DCBLD1: variants seen among roughly 807,000 people sequenced by gnomAD.
DCBLD1 encodes the protein discoidin, CUB and LCCL domain containing 1.
Under a neutral mutation model 71.5 loss-of-function variants are expected in DCBLD1, and 57 were observed. That is an observed-to-expected ratio of 0.80 (90% CI 0.64 to 0.99). The LOEUF (loss-of-function observed/expected upper bound fraction) is 0.99, where lower values mean the gene tolerates loss of function less well. Among genes scored for constraint, DCBLD1 ranks in the 50% least tolerant of loss-of-function variants. The probability of loss-of-function intolerance (pLI) is 0.00; values close to 1 mark genes in which losing one functional copy is unlikely to be tolerated. For missense variants in DCBLD1, 891 were observed against 923.5 expected (o/e 0.96, Z 0.46); for synonymous variants, 380 against 363.8 (o/e 1.04, Z -0.51).
chr6:117,534,582 A>G (rs1778825285), intron 6 of DCBLD1, among the ~76,000 whole-genome samples: 1 of 152,148 alleles, frequency 6.6e-6, no homozygotes, highest in Non-Finnish European at 1.5e-5. Flanking sequence ...CTGTATTTGT[A>G]TATCTTTGAA....
Position 117,521,591 on chromosome 6 carries a change from C to A in DCBLD1, c.512+15C>A. 1 of 1,554,232 alleles carries A rather than the reference C, an allele frequency of 6.4e-7. No individual in the cohort carries two copies. The highest frequency in any genetic ancestry group is 8.6e-7 in the Non-Finnish European group (1 of 1,158,820). Reference sequence around the variant, plus strand: ...ACAGAATACAGGTAAGTATAGGTATCCTAACTGTGTTGCAGTCGTGTATTG... The same window carrying A: ...ACAGAATACAGGTAAGTATAGGTATACTAACTGTGTTGCAGTCGTGTATTG... On this transcript the variant is annotated intron_variant, in intron 4 of 14. Coordinates refer to ENST00000338728, the MANE Select transcript of DCBLD1 (RefSeq NM_001366458.2).
At chr6:117,543,821 A>G (rs1456353769) in intron 12 of DCBLD1, among the ~76,000 whole-genome samples, 1 of 152,214 alleles carries the variant, frequency 6.6e-6, no homozygotes, top group African/African-American at 2.4e-5. Context: ...TGCTTGGGGT[A>G]TCACCAAGCT....
intron 2 of DCBLD1, among the ~76,000 whole-genome samples, chr6:117,504,418 G>A (rs1057147144): frequency 6.6e-6 from 1 of 152,182 alleles, no homozygotes; most frequent in Non-Finnish European, 1.5e-5. Flanking sequence ...ATAAGCAAAT[G>A]CATCTGTAGT....
chr6:117,534,843 A>G (rs981709267), intron 6 of DCBLD1, among the ~76,000 whole-genome samples: 1 of 151,930 alleles, frequency 6.6e-6, no homozygotes, highest in Non-Finnish European at 1.5e-5. Context: ...GTAAACCATT[A>G]GTGAATTAGA....
chr6:117,528,261 T>G lies in DCBLD1; in HGVS notation c.585+2827T>G, dbSNP rs188587285. Reference sequence around the variant, plus strand: ...ATTTCTATAAAGAATGCACATTTTGTGAAGAAAACATTATTGACATGGTAA... The same window carrying G: ...ATTTCTATAAAGAATGCACATTTTGGGAAGAAAACATTATTGACATGGTAA... On this transcript the variant is annotated intron_variant, in intron 5 of 14. Transcript: ENST00000338728. Among the ~76,000 whole-genome samples the G allele has an allele frequency of 5.5e-3, 834 of 152,250 alleles. 1 individual carries two copies. Among genetic ancestry groups the G allele is most frequent in the Non-Finnish European group, 8.1e-3 (549 of 68,014 alleles).
chr6:117,524,466 A>G (rs1778483596), intron 4 of DCBLD1, among the ~76,000 whole-genome samples: 1 of 152,186 alleles, frequency 6.6e-6, no homozygotes, highest in Non-Finnish European at 1.5e-5. Context: ...GGCCTCCCAA[A>G]GTGCTGAGAT....
intron 8 of DCBLD1, chr6:117,539,045 A>T: frequency 1.4e-6 from 1 of 694,524 alleles, no homozygotes; most frequent in Non-Finnish European, 2.3e-6. Flanking sequence ...TTAGAGAGAT[A>T]ATTCTTCAAT....
At chr6:117,493,524 T>A (rs1026122786) in intron 1 of DCBLD1, among the ~76,000 whole-genome samples, 3 of 152,200 alleles carry the variant, frequency 2.0e-5, no homozygotes, top group Non-Finnish European at 4.4e-5. Flanking sequence ...AAACTCCTAA[T>A]TAAACATGAC....
intron 9 of DCBLD1, 162 bp downstream of exon 9, chr6:117,539,541 G>T: frequency 1.3e-6 from 1 of 784,720 alleles, no homozygotes; most frequent in Non-Finnish European, 1.8e-6. Flanking sequence ...CAAGGCAGGA[G>T]GATCATTTGA....
At chr6:117,501,722 C>T (rs769304836) in intron 1 of DCBLD1, among the ~76,000 whole-genome samples, 6 of 152,110 alleles carry the variant, frequency 3.9e-5, no homozygotes, top group Non-Finnish European at 8.8e-5. Flanking sequence ...AAATCAAAGC[C>T]CCGTGCACTG....
intron 2 of DCBLD1, among the ~76,000 whole-genome samples, chr6:117,514,271 T>A (rs1778119355): frequency 6.6e-6 from 1 of 152,232 alleles, no homozygotes; most frequent in African/African-American, 2.4e-5. Context: ...AAACTCATTC[T>A]TGCTATTCTG....
intron 3 of DCBLD1, 137 bp downstream of exon 3, chr6:117,520,087 C>A (rs923382379): frequency 9.4e-6 from 13 of 1,380,598 alleles, no homozygotes; most frequent in Admixed American, 2.0e-5. Context: ...AACATGGTAT[C>A]TTTGTAAATG....
At position 117,519,803 on chromosome 6, in the gene DCBLD1, G is replaced by A. The variant is rs898196910; in HGVS notation, c.326-13G>A. ...AAATTTTGAAATGTGCCACAAGTGT[G>A]CTTTGTTTTTAGGTCCATACTGTGG... On this transcript the variant is annotated splice_polypyrimidine_tract_variant and intron_variant, in intron 2 of 14. Coordinates refer to ENST00000338728, the MANE Select transcript of DCBLD1 (RefSeq NM_001366458.2). 6 of 1,599,656 alleles carry A rather than the reference G, an allele frequency of 3.8e-6. No homozygotes were observed. Among genetic ancestry groups the A allele is most frequent in the Non-Finnish European group, 5.1e-6 (6 of 1,168,012 alleles).
chr6:117,538,569 G>C, intron 7 of DCBLD1, 51 bp from the exon 8 acceptor site: 1 of 1,500,526 alleles, frequency 6.7e-7, no homozygotes. Context: ...TTTTTTTTTT[G>C]CTGTTATTTT....
chr6:117,541,719 C>G (rs150967641), intron 11 of DCBLD1, among the ~76,000 whole-genome samples: 1 of 151,940 alleles, frequency 6.6e-6, no homozygotes, highest in Non-Finnish European at 1.5e-5. Flanking sequence ...AATCAGTATC[C>G]GTAGATAATC....
In DCBLD1 at chr6:117,549,694, A is replaced by C. The variant is rs1426826298; in HGVS notation, c.*1255A>C. The C allele has an allele frequency of 1.0e-6, 1 of 985,350 alleles. No homozygotes were observed. The highest frequency in any genetic ancestry group is 1.2e-6 in the Non-Finnish European group (1 of 829,974). 61.0% of individuals were successfully genotyped at this position (985,350 alleles called of 1,614,324 possible). ...AAAATAATGGGGGTGCTGGAAGGTC[A>C]TGGCAGACTAGCTGCTGGTTAGTGT... On this transcript the variant is annotated 3_prime_UTR_variant, in exon 15 of 15. Coordinates refer to ENST00000338728, the MANE Select transcript of DCBLD1 (RefSeq NM_001366458.2).
At chr6:117,563,983 C>CT (rs1223276650) in intron 14 of DCBLD1, among the ~76,000 whole-genome samples, 22 of 117,890 alleles carry the variant, frequency 1.9e-4, no homozygotes, top group Middle Eastern at 4.3e-3. Flanking sequence ...TTTTTTTTTT[C>CT]TTTTTTTTTT....
chr6:117,548,486 A>G lies in DCBLD1; in HGVS notation c.*47A>G, dbSNP rs1304085894. The G allele has an allele frequency of 1.3e-6, 2 of 1,546,928 alleles. No individual in the cohort carries two copies. The highest frequency in any genetic ancestry group is 1.2e-5 in the South Asian group (1 of 83,956). On this transcript the variant is annotated 3_prime_UTR_variant, in exon 15 of 15. Coordinates refer to ENST00000338728, the MANE Select transcript of DCBLD1 (RefSeq NM_001366458.2). Reference sequence around the variant, plus strand: ...CTGTGGTACTGAGCGTCGGGCTGTCACAAGGCACTGGAAGAAGGGAGCCTG... The same window carrying G: ...CTGTGGTACTGAGCGTCGGGCTGTCGCAAGGCACTGGAAGAAGGGAGCCTG...
rs554322555 is a variant in DCBLD1, at chr6:117,491,025, A to C, written c.112+8132A>C. 8.5e-5 allele frequency among the ~76,000 whole-genome samples: 13 copies of C among 152,338 alleles called. No homozygotes were observed. In the South Asian group the frequency reaches 2.7e-3, roughly 32 times the overall value. On this transcript the variant is annotated intron_variant, in intron 1 of 14. Transcript: ENST00000338728. ...ATATTAAAAGTGTGATGTCCAGTTA[A>C]ATTTGAATTACCAAGGCATAAAATT...
Sources: gnomAD v4.1 joint callset for allele counts (sites outside exome capture counted in the v4.1 genomes callset) on GRCh38, gnomAD v4.1.1 for gene constraint, MANE v1.5 for transcripts, NCBI Gene and HGNC (gene_info 2026-07-23, HGNC 2026-07-21) for gene names.